RNGTT: variants seen among roughly 807,000 people sequenced by gnomAD.
RNGTT encodes the protein mRNA-capping enzyme.
In RNGTT, 33 loss-of-function variants were observed where a neutral mutation model predicts 79.3. That is an observed-to-expected ratio of 0.42 (90% CI 0.32 to 0.56). RNGTT has a LOEUF of 0.56. Ranked by LOEUF, RNGTT falls within the 20% of genes least tolerant of loss-of-function variation. The pLI is 0.17. For missense variants in RNGTT, 497 were observed against 739.1 expected, an observed-to-expected ratio of 0.67 and a Z score of 3.80; for synonymous variants, 222 against 235.9, an observed-to-expected ratio of 0.94 and a Z score of 0.54.
intron 13 of RNGTT, chr6:88,714,102 A>G (rs9451059): frequency 5.9e-5 from 9 of 152,208 alleles, no homozygotes; most frequent in African/African-American, 2.2e-4. Flanking sequence ...TAAAATGGAA[A>G]TAACTGTCTT....
At chr6:88,817,949 C>T (rs900926327) in intron 11 of RNGTT, among the ~76,000 whole-genome samples, 3 of 151,446 alleles carry the variant, frequency 2.0e-5, no homozygotes, top group East Asian at 2.0e-4. Flanking sequence ...TTAGTAGAAA[C>T]GGGGTTTCAC....
intron 8 of RNGTT, among the ~76,000 whole-genome samples, chr6:88,858,343 A>G (rs1376481492): frequency 6.6e-6 from 1 of 152,168 alleles, no homozygotes; most frequent in East Asian, 1.9e-4. Context: ...TCTCTTCTCA[A>G]CTTCACATCA....
intron 6 of RNGTT, among the ~76,000 whole-genome samples, chr6:88,903,250 A>T (rs1199989725): frequency 1.3e-5 from 2 of 152,218 alleles, no homozygotes; most frequent in African/African-American, 4.8e-5. Context: ...ACACTGTAGT[A>T]GTCCCAGCAA....
chr6:88,901,495 C>CT (rs71024314), intron 6 of RNGTT, among the ~76,000 whole-genome samples: 1,337 of 65,770 alleles, frequency 0.02, 288 homozygotes, highest in African/African-American at 0.062. Flanking sequence ...GCACCCTGAT[C>CT]TTTTTTTTTT....
At chr6:88,715,196 G>T (rs1282186326) in intron 13 of RNGTT, among the ~76,000 whole-genome samples, 1 of 152,158 alleles carries the variant, frequency 6.6e-6, no homozygotes, top group Non-Finnish European at 1.5e-5. Flanking sequence ...GCCAAATCAT[G>T]AGTGAAATCC....
intron 14 of RNGTT, among the ~76,000 whole-genome samples, chr6:88,674,668 T>TA (rs1458119179): frequency 6.6e-6 from 1 of 151,928 alleles, no homozygotes; most frequent in Non-Finnish European, 1.5e-5. Flanking sequence ...ATATGTCATA[T>TA]AAGCAGGTGG....
At chr6:88,817,749 ATTTTTTTTTTT>A (rs71554802) in intron 11 of RNGTT, among the ~76,000 whole-genome samples, 67 of 71,566 alleles carry the variant, frequency 9.4e-4, no homozygotes, top group Admixed American at 7.4e-3. Flanking sequence ...TATTCACATC[ATTTTTTTTTTT>A]TTTTTTTTTT....
At chr6:88,618,499 C>G (rs1415043806) in intron 14 of RNGTT, among the ~76,000 whole-genome samples, 1 of 151,960 alleles carries the variant, frequency 6.6e-6, no homozygotes, top group African/African-American at 2.4e-5. Flanking sequence ...AAAACAGGAC[C>G]CCATCAGGTC....
chr6:88,621,614 T>G (rs949378740), intron 14 of RNGTT, among the ~76,000 whole-genome samples: 1 of 152,082 alleles, frequency 6.6e-6, no homozygotes, highest in Admixed American at 6.6e-5. Flanking sequence ...TAAGATGGCA[T>G]CTATTCTTGT....
intron 14 of RNGTT, among the ~76,000 whole-genome samples, chr6:88,637,822 G>T (rs1255551618): frequency 2.0e-5 from 3 of 152,084 alleles, no homozygotes; most frequent in Non-Finnish European, 4.4e-5. Context: ...TTTTAAAAAT[G>T]ACTTTTATGA....
intron 13 of RNGTT, among the ~76,000 whole-genome samples, chr6:88,713,713 C>T (rs1213531516): frequency 2.0e-5 from 3 of 151,990 alleles, no homozygotes; most frequent in African/African-American, 7.3e-5. Flanking sequence ...CAAATAACCG[C>T]CATATTTCTT....
chr6:88,820,176 A>C (rs181606555), intron 11 of RNGTT, among the ~76,000 whole-genome samples: 89 of 152,240 alleles, frequency 5.8e-4, no homozygotes, highest in African/African-American at 2.1e-3. Context: ...CCAGTGAAAA[A>C]GTCTAATTTT....
chr6:88,886,633 A>G (rs1782871491), intron 8 of RNGTT, among the ~76,000 whole-genome samples: 1 of 152,216 alleles, frequency 6.6e-6, no homozygotes, highest in Non-Finnish European at 1.5e-5. Flanking sequence ...ACTGCAACCA[A>G]AAGTACTCAG....
rs183874029 is a variant in RNGTT, at chr6:88,733,579, C to T, written c.1439+36195G>A. 6.6e-4 allele frequency among the ~76,000 whole-genome samples: 100 copies of T among 151,116 alleles called. 1 individual carries two copies. The highest frequency in any genetic ancestry group is 1.4e-3 in the Admixed American group (21 of 15,198). ...TAATGATAAATATCAAACTACAGAT[C>T]CAGGAAGCTAAAAAAGAAAAAAAAC... On this transcript the variant is annotated intron_variant, in intron 13 of 15. Coordinates refer to ENST00000369485, the MANE Select transcript of RNGTT (RefSeq NM_003800.5).
intron 4 of RNGTT, among the ~76,000 whole-genome samples, chr6:88,911,311 CAAAA>C (rs1783824993): frequency 6.6e-6 from 1 of 151,908 alleles, no homozygotes; most frequent in Admixed American, 6.6e-5. Context: ...AAATGAAAAA[CAAAA>C]AAGAGCAGGG....
intron 9 of RNGTT, among the ~76,000 whole-genome samples, chr6:88,851,200 TA>T (rs71691377): frequency 0.053 from 7,553 of 143,332 alleles, 281 homozygotes; most frequent in African/African-American, 0.11. Flanking sequence ...GAACTAAATT[TA>T]AAAAAAAAAA....
intron 11 of RNGTT, among the ~76,000 whole-genome samples, chr6:88,827,978 C>T (rs1441691528): frequency 2.6e-5 from 4 of 152,192 alleles, no homozygotes; most frequent in Non-Finnish European, 5.9e-5. Context: ...CAGACTTAAA[C>T]GTTCCTGCCT....
At chr6:88,836,003 CACACACACACACACACACACAT>C (rs1177851672) in intron 11 of RNGTT, among the ~76,000 whole-genome samples, 4 of 121,296 alleles carry the variant, frequency 3.3e-5, no homozygotes, top group Non-Finnish European at 5.5e-5. Flanking sequence ...CACACACACA[CACACACACACACACACACACAT>C]ATATATATAA....
chr6:88,615,951 T>C (rs1479603650), intron 14 of RNGTT, among the ~76,000 whole-genome samples: 1 of 152,160 alleles, frequency 6.6e-6, no homozygotes, highest in Non-Finnish European at 1.5e-5. Flanking sequence ...CTAGAACTTT[T>C]CCATCTTGCA....
Sources: gnomAD v4.1 joint callset for allele counts (sites outside exome capture counted in the v4.1 genomes callset) on GRCh38, gnomAD v4.1.1 for gene constraint, MANE v1.5 for transcripts, NCBI Gene and HGNC (gene_info 2026-07-23, HGNC 2026-07-21) for gene names.